TMCC1: variants seen among roughly 807,000 people sequenced by gnomAD.
TMCC1 encodes the protein transmembrane and coiled-coil domains protein 1.
A neutral mutation model predicts 52.4 loss-of-function variants in TMCC1; 15 were observed. The ratio of observed to expected loss-of-function variants is 0.29; its 90% CI spans 0.19 to 0.44. The LOEUF (loss-of-function observed/expected upper bound fraction) is 0.44, where lower values mean the gene tolerates loss of function less well. Among genes scored for constraint, TMCC1 ranks in the 20% least tolerant of loss-of-function variants. TMCC1 has a pLI of 1.00. For synonymous variants in TMCC1, 279 were observed against 301.9 expected (o/e 0.92, Z 0.79); for missense variants, 503 against 806.0 (o/e 0.62, Z 4.55).
chr3:129,879,406 A>G (rs146202570), intron 2 of TMCC1, among the ~76,000 whole-genome samples: 179 of 152,258 alleles, frequency 1.2e-3, no homozygotes, highest in African/African-American at 3.7e-3. Flanking sequence ...GCACCCTTGC[A>G]CTCCAGCCTG....
intron 4 of TMCC1, among the ~76,000 whole-genome samples, chr3:129,672,843 G>T (rs1177893711): frequency 6.6e-6 from 1 of 151,972 alleles, no homozygotes; most frequent in Non-Finnish European, 1.5e-5. Flanking sequence ...TTTATGAAAC[G>T]CCAATAATTA....
At chr3:129,708,881 C>A (rs2048438490) in intron 4 of TMCC1, among the ~76,000 whole-genome samples, 1 of 152,158 alleles carries the variant, frequency 6.6e-6, no homozygotes, top group Admixed American at 6.5e-5. Flanking sequence ...TAACCTACTA[C>A]TACAGTAATC....
chr3:129,882,201 G>T (rs886104215), intron 1 of TMCC1, among the ~76,000 whole-genome samples: 2 of 152,036 alleles, frequency 1.3e-5, no homozygotes, highest in Non-Finnish European at 2.9e-5. Context: ...TGATAAAAAT[G>T]GGCAAAGGAT....
At chr3:129,867,039 T>C (rs2060681833) in intron 2 of TMCC1, 1 of 152,058 alleles carries the variant, frequency 6.6e-6, no homozygotes, top group African/African-American at 2.4e-5. Context: ...GATTACGACA[T>C]CATGATCCTT....
chr3:129,837,737 C>T (rs182606309), intron 2 of TMCC1, among the ~76,000 whole-genome samples: 5 of 152,100 alleles, frequency 3.3e-5, no homozygotes, highest in East Asian at 1.9e-4. Context: ...TAAATTAGAA[C>T]GTGATTAATA....
intron 4 of TMCC1, among the ~76,000 whole-genome samples, chr3:129,768,060 G>C (rs1560375592): frequency 6.6e-6 from 1 of 152,166 alleles, no homozygotes; most frequent in Non-Finnish European, 1.5e-5. Flanking sequence ...ATGGTGGTAT[G>C]CATCTGTAGT....
At chr3:129,887,474 G>A (rs1380755729) in intron 1 of TMCC1, among the ~76,000 whole-genome samples, 1 of 150,950 alleles carries the variant, frequency 6.6e-6, no homozygotes, top group African/African-American at 2.4e-5. Flanking sequence ...CCCGGGAGGT[G>A]GAGGCTGCAG....
At chr3:129,842,187 C>T (rs1218954652) in intron 2 of TMCC1, among the ~76,000 whole-genome samples, 2 of 152,124 alleles carry the variant, frequency 1.3e-5, no homozygotes, top group African/African-American at 4.8e-5. Context: ...GCAGATTGGC[C>T]AGGCATAGTG....
At chr3:129,724,107 G>C (rs2049886845) in intron 4 of TMCC1, among the ~76,000 whole-genome samples, 1 of 152,072 alleles carries the variant, frequency 6.6e-6, no homozygotes, top group Non-Finnish European at 1.5e-5. Flanking sequence ...CTGTGAGGCT[G>C]AATTCTACCC....
chr3:129,706,537 A>G (rs2048257545), intron 4 of TMCC1, among the ~76,000 whole-genome samples: 1 of 152,170 alleles, frequency 6.6e-6, no homozygotes, highest in South Asian at 2.1e-4. Flanking sequence ...AAAAAATATA[A>G]CAATAAAGTG....
chr3:129,882,686 A>T (rs980041648), intron 1 of TMCC1, among the ~76,000 whole-genome samples: 2 of 152,254 alleles, frequency 1.3e-5, no homozygotes, highest in African/African-American at 4.8e-5. Context: ...AATACTATGC[A>T]GTCTTAAAAA....
chr3:129,687,382 T>C (rs2089479845), intron 4 of TMCC1, among the ~76,000 whole-genome samples: 1 of 152,262 alleles, frequency 6.6e-6, no homozygotes. Flanking sequence ...CTCATTTCTC[T>C]AATTTGTAAT....
In TMCC1 at chr3:129,651,381, T is replaced by C; in HGVS notation, c.*100A>G. On this transcript the variant is annotated 3_prime_UTR_variant, in exon 7 of 7. Transcript: ENST00000393238. The surrounding 1 kb of genome is among the most constrained non-coding windows in gnomAD (Gnocchi z 5.1). ...AAATGTAAACAGATTCACTCAACTC[T>C]TTTTTTGTTGTAGAAAACTTCAGAG... 4 of 1,277,000 alleles carry C rather than the reference T, an allele frequency of 3.1e-6. No homozygotes were observed. The highest frequency in any genetic ancestry group is 3.2e-6 in the Non-Finnish European group (3 of 924,142). The allele number at this position is 1,277,000 out of a possible 1,614,324, so 79.1% of individuals were successfully genotyped here.
At chr3:129,865,784 A>AT (rs1326715048) in intron 2 of TMCC1, among the ~76,000 whole-genome samples, 1 of 152,224 alleles carries the variant, frequency 6.6e-6, no homozygotes, top group Middle Eastern at 3.2e-3. Flanking sequence ...GGCTAAATGA[A>AT]TGATGGGCCA....
chr3:129,698,019 T>C (rs1488798359), intron 4 of TMCC1, among the ~76,000 whole-genome samples: 4 of 152,168 alleles, frequency 2.6e-5, no homozygotes, highest in Non-Finnish European at 2.9e-5. Context: ...CTCCAAACTG[T>C]TCCAACCTCT....
At chr3:129,862,071 A>G (rs1167096424) in intron 2 of TMCC1, among the ~76,000 whole-genome samples, 1 of 152,250 alleles carries the variant, frequency 6.6e-6, no homozygotes, top group Non-Finnish European at 1.5e-5. Flanking sequence ...AAAATGTATA[A>G]ATGTTGAAAT....
intron 4 of TMCC1, among the ~76,000 whole-genome samples, chr3:129,749,079 G>A (rs2052263006): frequency 6.6e-6 from 1 of 151,782 alleles, no homozygotes; most frequent in Non-Finnish European, 1.5e-5. Flanking sequence ...TGTCAATAAG[G>A]AAACAAATAC....
At chr3:129,743,977 A>C (rs1479653056) in intron 4 of TMCC1, among the ~76,000 whole-genome samples, 1 of 152,092 alleles carries the variant, frequency 6.6e-6, no homozygotes, top group African/African-American at 2.4e-5. Flanking sequence ...TATCTAATGA[A>C]GCTGTCCACA....
chr3:129,752,498 G>T (rs2052616447), intron 4 of TMCC1, among the ~76,000 whole-genome samples: 1 of 151,972 alleles, frequency 6.6e-6, no homozygotes, highest in Non-Finnish European at 1.5e-5. Flanking sequence ...TGATCAAAAG[G>T]TATATTAAAT....
Sources: allele counts gnomAD v4.1 joint callset (sites outside exome capture counted in the v4.1 genomes callset), GRCh38; gene constraint gnomAD v4.1.1; non-coding constraint Gnocchi (gnomAD v3.1); transcripts MANE v1.5; gene names NCBI Gene and HGNC (gene_info 2026-07-23, HGNC 2026-07-21).